SUPT16H: variants seen among roughly 807,000 people sequenced by gnomAD.
SUPT16H encodes FACT complex subunit SPT16.
Under a neutral mutation model 136.2 loss-of-function variants are expected in SUPT16H, and 24 were observed. The ratio of observed to expected loss-of-function variants is 0.18; its 90% CI spans 0.13 to 0.25. SUPT16H has a LOEUF of 0.25. SUPT16H is among the 10% of genes least tolerant of loss of function. The pLI, the probability that SUPT16H is intolerant of heterozygous loss-of-function variation, is 1.00. For missense variants in SUPT16H, 623 were observed against 1,270.2 expected, an observed-to-expected ratio of 0.49 and a Z score of 7.74; for synonymous variants, 415 against 428.2, an observed-to-expected ratio of 0.97 and a Z score of 0.38.
At chr14:21,381,716 C>A (rs1324879332) in intron 1 of SUPT16H, among the ~76,000 whole-genome samples, 1 of 151,444 alleles carries the variant, frequency 6.6e-6, no homozygotes, top group Non-Finnish European at 1.5e-5. Context: ...CTCAAGGGAT[C>A]CTTCTGCCTC....
intron 1 of SUPT16H, among the ~76,000 whole-genome samples, chr14:21,378,394 C>T (rs1886950715): frequency 6.6e-6 from 1 of 152,036 alleles, no homozygotes; most frequent in Non-Finnish European, 1.5e-5. Context: ...TTACTTCACC[C>T]AGCAGTGAAA....
chr14:21,360,649 C>G, intron 17 of SUPT16H, 116 bp from the exon 18 acceptor site: 1 of 1,189,014 alleles, frequency 8.4e-7, no homozygotes, highest in Non-Finnish European at 1.2e-6. Context: ...CTGTATAGAG[C>G]TTTCCTTTCC....
In SUPT16H at chr14:21,365,055, G is replaced by A; in HGVS notation, c.1120+15C>T. 1 of 1,612,784 alleles carries A rather than the reference G, an allele frequency of 6.2e-7. No individual in the cohort carries two copies. Among genetic ancestry groups the A allele is most frequent in the Non-Finnish European group, 8.5e-7 (1 of 1,179,134 alleles). On this transcript the variant is annotated intron_variant, in intron 9 of 25. Coordinates refer to ENST00000216297, the MANE Select transcript of SUPT16H (RefSeq NM_007192.4). ...TAACTCACAAAAGCATTTTCCTATT[G>A]TATGTGAAACTTACCTTTCTTCAGT...
At position 21,369,692 on chromosome 14, in the gene SUPT16H, T is replaced by A. The variant is rs1039894447; in HGVS notation, c.630+58A>T. The stretch of plus-strand genomic sequence containing the variant: ...TGAAGAACACACCAACAGATTTGCA[T>A]GGTAGACTTATTACTGCTTCATTAA... On this transcript the variant is annotated intron_variant, in intron 5 of 25. Coordinates refer to ENST00000216297, the MANE Select transcript of SUPT16H (RefSeq NM_007192.4). 1.0e-5 allele frequency: 16 copies of A among 1,600,466 alleles called. No homozygotes were observed. The African/African-American group carries it at 1.2e-4, about 12-fold the overall frequency.
intron 7 of SUPT16H, 55 bp from the exon 8 acceptor site, chr14:21,366,584 T>G: frequency 1.3e-6 from 2 of 1,542,308 alleles, no homozygotes; most frequent in East Asian, 4.5e-5. Context: ...AAAAACTCAG[T>G]AACATTTTAA....
chr14:21,370,362 A>G lies in SUPT16H; in HGVS notation c.457T>C (p.Cys153Arg). ...TTGTCAAAGCCTTCTTTGTTGAGGC[A>G]GTCATTCCAGCTCTTCATGAACTCT... ...PGEFMKSWND[C>R]LNKEGFDKID... The change falls in exon 4 of 26, where the codon TGC (cysteine) becomes CGC (arginine). Residue 153 changes from cysteine to arginine, a missense_variant. Cys to Arg is a radical substitution (Grantham distance 180). This residue lies in a region of SUPT16H where 343 missense variants were observed against 525.7 expected (regional missense o/e 0.65). Coordinates refer to ENST00000216297, the MANE Select transcript of SUPT16H (RefSeq NM_007192.4). 6.2e-7 allele frequency: 1 copy of G among 1,612,340 alleles called. No homozygotes were observed. The highest frequency in any genetic ancestry group is 8.5e-7 in the Non-Finnish European group (1 of 1,179,874).
chr14:21,375,568 T>A (rs1886883349), intron 1 of SUPT16H, among the ~76,000 whole-genome samples: 2 of 152,150 alleles, frequency 1.3e-5, no homozygotes, highest in African/African-American at 4.8e-5. Flanking sequence ...CCAAAGTTTC[T>A]AATTTTGAAG....
intron 7 of SUPT16H, among the ~76,000 whole-genome samples, chr14:21,367,982 G>GC (rs1886707440): frequency 6.6e-6 from 1 of 152,038 alleles, no homozygotes; most frequent in South Asian, 2.1e-4. Flanking sequence ...AGGTATAATC[G>GC]CAACTCACTG....
Position 21,362,061 on chromosome 14 carries a change from C to T in SUPT16H, c.1793+136G>A, listed in dbSNP as rs886330870. ...TGAAAATAGTACAAAGTCAAGAAGGCGATCCGAAACAAGTACCAATGAGGA... is the reference window on the plus strand; with the variant it reads ...TGAAAATAGTACAAAGTCAAGAAGGTGATCCGAAACAAGTACCAATGAGGA... On this transcript the variant is annotated intron_variant, in intron 15 of 25. Coordinates refer to ENST00000216297, the MANE Select transcript of SUPT16H (RefSeq NM_007192.4). The T allele has an allele frequency of 1.0e-4, 103 of 1,028,038 alleles. No homozygotes were observed. The African/African-American group carries it at 1.6e-3, about 16-fold the overall frequency. 63.7% of individuals were successfully genotyped at this position (1,028,038 alleles called of 1,614,324 possible). A position where few individuals can be genotyped will look rare whatever the true frequency, so the allele number is the denominator to read the frequency against.
intron 6 of SUPT16H, 143 bp from the exon 7 acceptor site, chr14:21,368,584 G>T: frequency 2.1e-6 from 2 of 973,636 alleles, no homozygotes; most frequent in Non-Finnish European, 2.8e-6. Context: ...ACTTTTTTGT[G>T]TTTTGTTTTA....
rs1482315974 is a variant in SUPT16H, at chr14:21,363,327, T to C, written c.1301A>G (p.Asn434Ser). Residue 434 changes from asparagine to serine, a missense_variant and splice_region_variant, in exon 12 of 26, where the codon AAT (asparagine) becomes AGT (serine). By Grantham distance (46) the Asn-to-Ser change is conservative (BLOSUM62 1). This residue lies in a region of SUPT16H where 343 missense variants were observed against 525.7 expected (regional missense o/e 0.65). Coordinates refer to ENST00000216297, the MANE Select transcript of SUPT16H (RefSeq NM_007192.4). ...KVKNVGIFLKNEDEEEEEEEK... is the reference protein window; with the variant it reads ...KVKNVGIFLKSEDEEEEEEEK... ...CTCCTCCTCTTCTTCCTCATCTTCA[T>C]TCTATGGAAAAAGTCATAATCAAAA... The C allele has an allele frequency of 6.2e-7, 1 of 1,606,042 alleles. No individual in the cohort carries two copies. Among genetic ancestry groups the C allele is most frequent in the African/African-American group, 1.3e-5 (1 of 74,412 alleles).
intron 10 of SUPT16H, among the ~76,000 whole-genome samples, chr14:21,363,803 C>T (rs1886608519): frequency 1.3e-5 from 2 of 152,058 alleles, no homozygotes; most frequent in Admixed American, 1.3e-4. Context: ...CTCAGCCTCC[C>T]GAGTAGCTGG....
At chr14:21,375,616 C>T (rs1886884360) in intron 1 of SUPT16H, among the ~76,000 whole-genome samples, 1 of 152,104 alleles carries the variant, frequency 6.6e-6, no homozygotes, top group Non-Finnish European at 1.5e-5. Flanking sequence ...ATTTTGGAGA[C>T]AGAGTCTCAC....
intron 1 of SUPT16H, among the ~76,000 whole-genome samples, chr14:21,380,333 A>T (rs1254470794): frequency 2.1e-5 from 2 of 93,876 alleles, no homozygotes; most frequent in African/African-American, 7.6e-5. Flanking sequence ...GCTCTCTCTC[A>T]CTATGTTGCC....
intron 2 of SUPT16H, 120 bp downstream of exon 2, chr14:21,373,218 T>A: frequency 2.5e-6 from 2 of 800,514 alleles, no homozygotes; most frequent in Non-Finnish European, 4.3e-6. Context: ...AGTGCTGGGA[T>A]TACAGGCATG....
In SUPT16H at chr14:21,364,958, G is replaced by T; in HGVS notation, c.1121-19C>A. 1 of 1,612,616 alleles carries T rather than the reference G, an allele frequency of 6.2e-7. No homozygotes were observed. Among genetic ancestry groups the T allele is most frequent in the Non-Finnish European group, 8.5e-7 (1 of 1,178,686 alleles). ...ACCATTCCTAAAACAGCAAAACAAG[G>T]ATCAGTCTGTGGCTGTGACAATGTG... On this transcript the variant is annotated intron_variant, in intron 9 of 25. Transcript: ENST00000216297.
intron 1 of SUPT16H, among the ~76,000 whole-genome samples, chr14:21,376,104 C>T (rs1367388429): frequency 1.3e-5 from 2 of 152,244 alleles, no homozygotes; most frequent in African/African-American, 4.8e-5. Flanking sequence ...ATTACAACAC[C>T]ATTTGTTGAA....
chr14:21,368,575 CT>C, intron 6 of SUPT16H, 134 bp from the exon 7 acceptor site: 1 of 1,019,626 alleles, frequency 9.8e-7, no homozygotes, highest in Non-Finnish European at 1.3e-6. Context: ...AGGACCTAAA[CT>C]TTTTTGTGTT....
rs1024611986 is a variant in SUPT16H at position 21,354,263 on chromosome 14, T to C, written c.2790+148A>G. On this transcript the variant is annotated intron_variant, in intron 23 of 25. Transcript: ENST00000216297. ...TAGTTACCACTGCCCAATCAATTTATCAATTTGAAGAAACAATAATATCAA... is the reference window on the plus strand; with the variant it reads ...TAGTTACCACTGCCCAATCAATTTACCAATTTGAAGAAACAATAATATCAA... 5.4e-6 allele frequency: 5 copies of C among 932,878 alleles called. No individual in the cohort carries two copies. In the South Asian group the frequency reaches 1.8e-4, roughly 34 times the overall value. The allele number at this position is 932,878 out of a possible 1,614,324, so 57.8% of individuals were successfully genotyped here. A position where few individuals can be genotyped will look rare whatever the true frequency, so the allele number is the denominator to read the frequency against.
Sources: gnomAD v4.1 joint callset for allele counts (sites outside exome capture counted in the v4.1 genomes callset) on GRCh38, gnomAD v4.1.1 for gene constraint, gnomAD v4.1.1 regional missense constraint, MANE v1.5 for transcripts, NCBI Gene and HGNC (gene_info 2026-07-23, HGNC 2026-07-21) for gene names.